B3GALT1: variants seen among roughly 807,000 people sequenced by gnomAD.
The protein encoded by B3GALT1 is beta-1,3-galactosyltransferase 1, also known as UDP-Gal:betaGlcNAc beta 1,3-galactosyltransferase, polypeptide 1.
In B3GALT1, 10 loss-of-function variants were observed where a neutral mutation model predicts 23.2. The observed-to-expected ratio is 0.43, with a 90% CI of 0.27 to 0.73. The LOEUF (loss-of-function observed/expected upper bound fraction) is 0.73, where lower values mean the gene tolerates loss of function less well. Ranked by LOEUF, B3GALT1 falls within the 30% of genes least tolerant of loss-of-function variation. The pLI is 0.21. For synonymous variants in B3GALT1, 156 were observed against 141.5 expected (o/e 1.10, Z -0.73); for missense variants, 299 against 405.4 (o/e 0.74, Z 2.25).
chr2:167,452,762 A>T (rs1699108972), intron 1 of B3GALT1, among the ~76,000 whole-genome samples: 1 of 152,204 alleles, frequency 6.6e-6, no homozygotes, highest in Non-Finnish European at 1.5e-5. Context: ...AAATCACATT[A>T]AATCTGATCA....
intron 4 of B3GALT1, among the ~76,000 whole-genome samples, chr2:167,848,118 A>T (rs1261125552): frequency 6.6e-6 from 1 of 152,186 alleles, no homozygotes; most frequent in Non-Finnish European, 1.5e-5. Context: ...AACAAAAAAA[A>T]GGTCCAGGAC....
chr2:167,749,013 A>G (rs545880034), intron 3 of B3GALT1, among the ~76,000 whole-genome samples: 1 of 152,334 alleles, frequency 6.6e-6, no homozygotes, highest in African/African-American at 2.4e-5. Context: ...AAAGACACCT[A>G]TAAATAAAAA....
At chr2:167,367,263 A>C (rs1297826040) in intron 1 of B3GALT1, among the ~76,000 whole-genome samples, 1 of 152,226 alleles carries the variant, frequency 6.6e-6, no homozygotes, top group Admixed American at 6.5e-5. Context: ...AACTAATTTC[A>C]AGAGCATTCT....
intron 1 of B3GALT1, among the ~76,000 whole-genome samples, chr2:167,417,123 A>G (rs1698484517): frequency 1.3e-5 from 2 of 152,108 alleles, no homozygotes; most frequent in South Asian, 4.1e-4. Context: ...TATGGTTTGA[A>G]TGTTTGTCCC....
chr2:167,528,944 G>C (rs988002056), intron 2 of B3GALT1, among the ~76,000 whole-genome samples: 1 of 151,974 alleles, frequency 6.6e-6, no homozygotes, highest in Non-Finnish European at 1.5e-5. Flanking sequence ...AACTCCTCTA[G>C]AGCTCTGTCT....
At chr2:167,561,533 G>A (rs543779834) in intron 2 of B3GALT1, among the ~76,000 whole-genome samples, 5,476 of 151,652 alleles carry the variant, frequency 0.036, 166 homozygotes, top group African/African-American at 0.088. Context: ...TTTTTGAAAG[G>A]ATCAACAAAA....
intron 2 of B3GALT1, among the ~76,000 whole-genome samples, chr2:167,632,573 T>G (rs181979709): frequency 2.0e-5 from 3 of 152,202 alleles, no homozygotes; most frequent in Non-Finnish European, 4.4e-5. Context: ...TTCATATGTT[T>G]GTTGGCTGCA....
In B3GALT1 at chr2:167,810,501, A is replaced by T. The variant is rs966430391; in HGVS notation, c.-351-8171A>T. On this transcript the variant is annotated intron_variant, in intron 3 of 4. Coordinates refer to ENST00000392690, the MANE Select transcript of B3GALT1 (RefSeq NM_020981.4). ...GAGCCAGACAAAGAAGAAGGAACAG[A>T]TTGACTGCTTAAGGTATCATATCTT... is the stretch of plus-strand genomic sequence containing the variant. Among the ~76,000 whole-genome samples the T allele has an allele frequency of 1.5e-4, 23 of 151,114 alleles. 1 individual carries two copies. Among genetic ancestry groups the T allele is most frequent in the African/African-American group, 5.7e-4 (23 of 40,406 alleles).
chr2:167,507,461 G>C (rs1287972967), intron 2 of B3GALT1, among the ~76,000 whole-genome samples: 1 of 135,408 alleles, frequency 7.4e-6, no homozygotes, highest in Non-Finnish European at 1.5e-5. Context: ...AACCAAGATC[G>C]CGCCACTGCA....
chr2:167,403,015 G>A (rs1451949653), intron 1 of B3GALT1, among the ~76,000 whole-genome samples: 2 of 151,080 alleles, frequency 1.3e-5, no homozygotes, highest in Non-Finnish European at 2.9e-5. Flanking sequence ...TGGCTAAAGA[G>A]CACCATGTTT....
chr2:167,625,987 G>T (rs1012193999), intron 2 of B3GALT1, among the ~76,000 whole-genome samples: 2 of 104,910 alleles, frequency 1.9e-5, no homozygotes, highest in African/African-American at 8.8e-5. Flanking sequence ...ATATATATAT[G>T]ACCTAAGCCA....
intron 3 of B3GALT1, among the ~76,000 whole-genome samples, chr2:167,680,685 G>A (rs1478306833): frequency 1.3e-5 from 2 of 152,146 alleles, no homozygotes; most frequent in Non-Finnish European, 2.9e-5. Flanking sequence ...AGAGGTTAAG[G>A]GATTTGTCTA....
Position 167,762,545 on chromosome 2 carries a change from T to G in B3GALT1, c.-351-56127T>G, listed in dbSNP as rs1387533933. Among the ~76,000 whole-genome samples, 3 of 150,474 alleles carry G rather than the reference T, an allele frequency of 2.0e-5. No homozygotes were observed. The East Asian group carries it at 5.8e-4, about 29-fold the overall frequency. ...TACCTTCCAAGAAGGTCAAAGAAAT[T>G]GCTTTGTGAATACAAAGGAAGTCTG... On this transcript the variant is annotated intron_variant, in intron 3 of 4. Transcript: ENST00000392690.
intron 2 of B3GALT1, among the ~76,000 whole-genome samples, chr2:167,565,185 C>G (rs1684131405): frequency 6.6e-6 from 1 of 152,072 alleles, no homozygotes. Context: ...CAGAACAGAG[C>G]CCTCAGAAAT....
At position 167,378,206 on chromosome 2, in the gene B3GALT1, G is replaced by C. The variant is rs185239241; in HGVS notation, c.-511+84872G>C. ...GATAATTCCACTGTTAGCTTGATGGGGTTCCCTTAGTCTGTGATGTGCCTT... is the reference window on the plus strand; with the variant it reads ...GATAATTCCACTGTTAGCTTGATGGCGTTCCCTTAGTCTGTGATGTGCCTT... On this transcript the variant is annotated intron_variant, in intron 1 of 4. Coordinates refer to ENST00000392690, the MANE Select transcript of B3GALT1 (RefSeq NM_020981.4). Among the ~76,000 whole-genome samples the C allele has an allele frequency of 2.7e-3, 415 of 152,176 alleles. 1 individual carries two copies. Among genetic ancestry groups the C allele is most frequent in the African/African-American group, 9.2e-3 (384 of 41,546 alleles).
chr2:167,512,357 TTCA>T (rs950387413), intron 2 of B3GALT1, among the ~76,000 whole-genome samples: 1 of 151,218 alleles, frequency 6.6e-6, no homozygotes, highest in Non-Finnish European at 1.5e-5. Flanking sequence ...TATCCTATTT[TTCA>T]TCATTATTCT....
intron 1 of B3GALT1, among the ~76,000 whole-genome samples, chr2:167,340,172 A>G (rs993777520): frequency 6.6e-6 from 1 of 152,158 alleles, no homozygotes; most frequent in African/African-American, 2.4e-5. Context: ...GAGAGTTGAA[A>G]GTACTTGTAG....
At chr2:167,497,092 T>C (rs900223206) in intron 2 of B3GALT1, among the ~76,000 whole-genome samples, 1 of 152,214 alleles carries the variant, frequency 6.6e-6, no homozygotes, top group Non-Finnish European at 1.5e-5. Flanking sequence ...TAGGCCATCT[T>C]TTAAATGATA....
chr2:167,795,809 A>G (rs1688537867), intron 3 of B3GALT1, among the ~76,000 whole-genome samples: 1 of 152,250 alleles, frequency 6.6e-6, no homozygotes, highest in African/African-American at 2.4e-5. Flanking sequence ...TTTCCTCCAG[A>G]AAATGAACTT....
Sources: allele counts gnomAD v4.1 joint callset (sites outside exome capture counted in the v4.1 genomes callset), GRCh38; gene constraint gnomAD v4.1.1; transcripts MANE v1.5; gene names NCBI Gene and HGNC (gene_info 2026-07-23, HGNC 2026-07-21).